Variants in ATL2 observed in about 807,000 individuals in gnomAD.
ATL2 encodes atlastin GTPase 2.
In ATL2, 31 loss-of-function variants were observed where a neutral mutation model predicts 73.9. The observed-to-expected ratio is 0.42, with a 90% CI of 0.32 to 0.57. ATL2 has a LOEUF of 0.57. Ranked by LOEUF, ATL2 falls within the 20% of genes least tolerant of loss-of-function variation. The pLI, the probability that ATL2 is intolerant of heterozygous loss-of-function variation, is 0.14. For synonymous variants in ATL2, 291 were observed against 237.5 expected (o/e 1.23, Z -2.07); for missense variants, 738 against 702.6 (o/e 1.05, Z -0.57).
At position 38,308,940 on chromosome 2, in the gene ATL2, G is replaced by GA. The variant is rs74338166; in HGVS notation, c.1071+438dup. Among the ~76,000 whole-genome samples, 231 of 140,760 alleles carry GA rather than the reference G, an allele frequency of 1.6e-3. 1 individual carries two copies. Among genetic ancestry groups the GA allele is most frequent in the South Asian group, 5.2e-3 (23 of 4,414 alleles). 92.3% of individuals were successfully genotyped at this position (140,760 alleles called of 152,430 possible). A position where few individuals can be genotyped will look rare whatever the true frequency, so the allele number is the denominator to read the frequency against. ...TATAAAGACTAGAGAAGAACAGAGG[G>GA]AAAAAAAAAAAACCTAAGAGTACTT... On this transcript the variant is annotated intron_variant, in intron 9 of 12. Coordinates refer to ENST00000378954, the MANE Select transcript of ATL2 (RefSeq NM_001135673.4).
chr2:38,296,714 A>G, intron 12 of ATL2: 2 of 1,552,798 alleles, frequency 1.3e-6, no homozygotes, highest in Non-Finnish European at 1.7e-6. Flanking sequence ...AAGCAAAAGA[A>G]AAGAGAAATG....
chr2:38,357,078 C>A (rs2124455148), intron 1 of ATL2, among the ~76,000 whole-genome samples: 1 of 152,120 alleles, frequency 6.6e-6, no homozygotes, highest in East Asian at 1.9e-4. Context: ...ATCTGTAATC[C>A]TAGCACTTTG....
At chr2:38,339,132 C>G (rs1669546762) in intron 2 of ATL2, among the ~76,000 whole-genome samples, 1 of 152,128 alleles carries the variant, frequency 6.6e-6, no homozygotes, top group Non-Finnish European at 1.5e-5. Flanking sequence ...GAGATAATCG[C>G]TTGAACTCAG....
intron 1 of ATL2, among the ~76,000 whole-genome samples, chr2:38,344,344 C>G (rs1397458736): frequency 6.6e-6 from 1 of 152,132 alleles, no homozygotes; most frequent in African/African-American, 2.4e-5. Flanking sequence ...TGGCTGGGTG[C>G]AGTGGGTGTA....
At chr2:38,322,883 T>C in intron 2 of ATL2, among the ~76,000 whole-genome samples, 1 of 152,156 alleles carries the variant, frequency 6.6e-6, no homozygotes, top group Admixed American at 6.6e-5. Flanking sequence ...CCTGCCTCTA[T>C]TTAACAACAA....
intron 1 of ATL2, among the ~76,000 whole-genome samples, chr2:38,370,701 G>A (rs1156598445): frequency 6.6e-6 from 1 of 152,126 alleles, no homozygotes; most frequent in Non-Finnish European, 1.5e-5. Flanking sequence ...CAGAGGTGGA[G>A]GTTGCAGTGA....
intron 2 of ATL2, among the ~76,000 whole-genome samples, chr2:38,327,421 G>C (rs1273263000): frequency 6.7e-6 from 1 of 149,994 alleles, no homozygotes; most frequent in East Asian, 2.0e-4. Flanking sequence ...ACTCCAGGCA[G>C]CCACCAAAAA....
rs528192152 is a variant in ATL2 at position 38,358,332 on chromosome 2, G to T, written c.119-14820C>A. 2.9e-4 allele frequency: 44 copies of T among 153,124 alleles called. No homozygotes were observed. In the South Asian group the frequency reaches 8.2e-3, roughly 29 times the overall value. 9.5% of individuals were successfully genotyped at this position (153,124 alleles called of 1,614,324 possible). A position where few individuals can be genotyped will look rare whatever the true frequency, so the allele number is the denominator to read the frequency against. ...TAACCACTCCAGGGTTGCTATCAAG[G>T]GTTTGATATACCAAAGTTCAAAAAA... On this transcript the variant is annotated intron_variant, in intron 1 of 12. Coordinates refer to ENST00000378954, the MANE Select transcript of ATL2 (RefSeq NM_001135673.4).
intron 1 of ATL2, among the ~76,000 whole-genome samples, chr2:38,344,807 T>C (rs1359411417): frequency 6.6e-6 from 1 of 152,164 alleles, no homozygotes; most frequent in Non-Finnish European, 1.5e-5. Flanking sequence ...GTCAGTGAGA[T>C]GCATTTATAT....
intron 1 of ATL2, among the ~76,000 whole-genome samples, chr2:38,361,073 G>GC (rs1670986907): frequency 6.6e-6 from 1 of 152,126 alleles, no homozygotes; most frequent in South Asian, 2.1e-4. Context: ...AAATCAAGCA[G>GC]CCAGGCGCGG....
At chr2:38,331,614 A>C (rs1239601865) in intron 2 of ATL2, among the ~76,000 whole-genome samples, 1 of 39,356 alleles carries the variant, frequency 2.5e-5, no homozygotes, top group Non-Finnish European at 4.8e-5. Flanking sequence ...CTCCATCTCA[A>C]AAAAAAAAAA....
chr2:38,322,845 CT>C (rs1461106132), intron 2 of ATL2, among the ~76,000 whole-genome samples: 10 of 152,182 alleles, frequency 6.6e-5, no homozygotes. Context: ...TGCCACCACA[CT>C]CCAGCCTGGA....
At chr2:38,378,187 C>G (rs530866348), upstream of ATL2, among the ~76,000 whole-genome samples, 5 of 152,342 alleles carry the variant, frequency 3.3e-5, no homozygotes, top group East Asian at 9.6e-4. Context: ...CCAGTAAAAA[C>G]AGATGTCCGG....
chr2:38,369,516 G>C (rs1671542580), intron 1 of ATL2, among the ~76,000 whole-genome samples: 1 of 151,626 alleles, frequency 6.6e-6, no homozygotes, highest in Non-Finnish European at 1.5e-5. Flanking sequence ...TCGAACTCCT[G>C]ACTTTGTCAT....
intron 9 of ATL2, among the ~76,000 whole-genome samples, chr2:38,305,453 G>A (rs1667399351): frequency 6.6e-6 from 1 of 152,148 alleles, no homozygotes; most frequent in African/African-American, 2.4e-5. Flanking sequence ...GGAGACTGAG[G>A]CAGGAGAATC....
intron 6 of ATL2, 56 bp downstream of exon 6, chr2:38,314,552 G>A: frequency 1.6e-6 from 2 of 1,272,668 alleles, no homozygotes; most frequent in Non-Finnish European, 1.1e-6. Flanking sequence ...ACAAACTGAG[G>A]TGGCTTCACA....
At chr2:38,320,678 C>T (rs949161932) in intron 2 of ATL2, among the ~76,000 whole-genome samples, 6 of 152,080 alleles carry the variant, frequency 3.9e-5, no homozygotes, top group Non-Finnish European at 8.8e-5. Context: ...ACTCAATGTA[C>T]CCCACAGGAA....
intron 1 of ATL2, among the ~76,000 whole-genome samples, chr2:38,364,896 T>G (rs1366899476): frequency 6.6e-6 from 1 of 151,956 alleles, no homozygotes; most frequent in East Asian, 1.9e-4. Context: ...TACAAAAAAT[T>G]AGCCATGCGT....
intron 2 of ATL2, among the ~76,000 whole-genome samples, chr2:38,335,371 A>C (rs769030867): frequency 5.9e-5 from 9 of 152,220 alleles, no homozygotes; most frequent in Admixed American, 3.9e-4. Context: ...GTAAATTATG[A>C]CATATTCATC....
Sources: gnomAD v4.1 joint callset for allele counts (sites outside exome capture counted in the v4.1 genomes callset) on GRCh38, gnomAD v4.1.1 for gene constraint, MANE v1.5 for transcripts, NCBI Gene and HGNC (gene_info 2026-07-23, HGNC 2026-07-21) for gene names.